CC2D2A: variants seen among roughly 807,000 people sequenced by gnomAD.
CC2D2A encodes coiled-coil and C2 domain containing 2A, also known as coiled-coil and C2 domain-containing protein 2A.
CC2D2A carries 155 observed loss-of-function variants against 212.9 expected under a neutral mutation model. That is an observed-to-expected ratio of 0.73 (90% CI 0.64 to 0.83). The LOEUF (loss-of-function observed/expected upper bound fraction) is 0.83, where lower values mean the gene tolerates loss of function less well. Ranked by LOEUF, CC2D2A falls within the 40% of genes least tolerant of loss-of-function variation. CC2D2A has a pLI of 0.00. For missense variants in CC2D2A, 1,856 were observed against 1,956.2 expected, an observed-to-expected ratio of 0.95 and a Z score of 0.97; for synonymous variants, 667 against 686.5, an observed-to-expected ratio of 0.97 and a Z score of 0.44.
chr4:15,481,812 C>G, intron 4 of CC2D2A: 6 of 985,304 alleles, frequency 6.1e-6, no homozygotes, highest in Non-Finnish European at 4.8e-6. Context: ...TATGCAGAAA[C>G]TCAAAGGAAG....
chr4:15,536,467 T>C (rs1286922329), intron 14 of CC2D2A, among the ~76,000 whole-genome samples: 1 of 152,110 alleles, frequency 6.6e-6, no homozygotes, highest in Non-Finnish European at 1.5e-5. Context: ...TTTTAAAAAA[T>C]TAAAATTAAA....
In CC2D2A at chr4:15,502,408, GT is replaced by G; in HGVS notation, c.248-16del. ...TTTTCTTTTTTTTTTATTTTGTTTT[GT>G]TTTTGTTTTTGTTTTTTAGGCTTAC... On this transcript the variant is annotated intron_variant, in intron 4 of 36. Transcript: ENST00000424120. 1.3e-6 allele frequency: 2 copies of G among 1,513,688 alleles called. No homozygotes were observed. Among genetic ancestry groups the G allele is most frequent in the Non-Finnish European group, 1.8e-6 (2 of 1,124,552 alleles). The allele number at this position is 1,513,688 out of a possible 1,614,324, so 93.8% of individuals were successfully genotyped here.
chr4:15,556,066 G>T (rs1719263486), intron 20 of CC2D2A, among the ~76,000 whole-genome samples: 1 of 152,170 alleles, frequency 6.6e-6, no homozygotes, highest in Non-Finnish European at 1.5e-5. Context: ...CAGATAAATT[G>T]CTCAGATCTA....
At chr4:15,532,360 A>G (rs2109028916) in intron 13 of CC2D2A, among the ~76,000 whole-genome samples, 1 of 152,292 alleles carries the variant, frequency 6.6e-6, no homozygotes, top group South Asian at 2.1e-4. Flanking sequence ...TACAACCTCC[A>G]GACTTAGGCC....
chr4:15,567,300 T>A (rs2109070020), intron 24 of CC2D2A, 77 bp from the exon 25 acceptor site: 1 of 1,130,292 alleles, frequency 8.8e-7, no homozygotes, highest in East Asian at 2.6e-5. Flanking sequence ...CCTATCTCAA[T>A]AAATAAATAA....
intron 1 of CC2D2A, among the ~76,000 whole-genome samples, chr4:15,472,112 G>A (rs114672164): frequency 1.2e-4 from 18 of 152,328 alleles, no homozygotes; most frequent in African/African-American, 3.8e-4. Context: ...AATAAATGGT[G>A]AGATGGAGGG....
At chr4:15,533,460 A>T in intron 14 of CC2D2A, 127 bp downstream of exon 14, 1 of 675,616 alleles carries the variant, frequency 1.5e-6, no homozygotes, top group Non-Finnish European at 2.4e-6. Context: ...AGGTTAAGAA[A>T]TAGAACATTG....
intron 28 of CC2D2A, among the ~76,000 whole-genome samples, chr4:15,571,695 G>A (rs531728029): frequency 1.3e-5 from 2 of 152,074 alleles, no homozygotes; most frequent in Non-Finnish European, 2.9e-5. Flanking sequence ...TCTTCCCTAG[G>A]CAAAAGGGAT....
chr4:15,536,570 T>G (rs1191417888), intron 14 of CC2D2A, among the ~76,000 whole-genome samples: 1 of 152,170 alleles, frequency 6.6e-6, no homozygotes, highest in Non-Finnish European at 1.5e-5. Flanking sequence ...TAATGAAATT[T>G]CCACCACTAT....
chr4:15,514,314 T>C (rs1334403077), intron 8 of CC2D2A, among the ~76,000 whole-genome samples: 1 of 152,218 alleles, frequency 6.6e-6, no homozygotes, highest in Non-Finnish European at 1.5e-5. Context: ...CCTATACACT[T>C]GGTGCCTTTT....
At chr4:15,560,908 T>C (rs1934980403) in intron 23 of CC2D2A, among the ~76,000 whole-genome samples, 2 of 152,192 alleles carry the variant, frequency 1.3e-5, no homozygotes, top group African/African-American at 4.8e-5. Context: ...TCATTCCCGT[T>C]GAACTAAACC....
chr4:15,562,034 T>C lies in CC2D2A; in HGVS notation c.3015-1321T>C, dbSNP rs1287953398. 2.6e-5 allele frequency among the ~76,000 whole-genome samples: 4 copies of C among 152,266 alleles called. No individual in the cohort carries two copies. The East Asian group carries it at 7.7e-4, about 29-fold the overall frequency. On this transcript the variant is annotated intron_variant, in intron 23 of 36. Coordinates refer to ENST00000424120, the MANE Select transcript of CC2D2A (RefSeq NM_001378615.1). ...TTATATGTAAGGCACCCAGCACTCTTCTCAATACATAGGAGGTGCTTATAA... is the reference window on the plus strand; with the variant it reads ...TTATATGTAAGGCACCCAGCACTCTCCTCAATACATAGGAGGTGCTTATAA...
chr4:15,480,562 G>A, intron 3 of CC2D2A, 142 bp from the exon 4 acceptor site: 1 of 881,248 alleles, frequency 1.1e-6, no homozygotes, highest in Non-Finnish European at 1.6e-6. Context: ...TACTCACAGT[G>A]AGTCAGGTGA....
At chr4:15,587,779 T>C (rs750347712) in intron 31 of CC2D2A, 37 bp from the exon 32 acceptor site, 2 of 1,094,978 alleles carry the variant, frequency 1.8e-6, no homozygotes, top group Non-Finnish European at 1.4e-6. Context: ...AATAAAGCAT[T>C]GAGTCATACA....
chr4:15,471,898 A>C (rs900053561), intron 1 of CC2D2A, among the ~76,000 whole-genome samples: 3 of 152,224 alleles, frequency 2.0e-5, no homozygotes, highest in Non-Finnish European at 4.4e-5. Context: ...GGAATAGTCC[A>C]TTTATTCAGA....
At position 15,516,776 on chromosome 4, in the gene CC2D2A, C is replaced by T. The variant is rs1409975341; in HGVS notation, c.1149+20C>T. The T allele has an allele frequency of 6.2e-7, 1 of 1,603,352 alleles. No individual in the cohort carries two copies. The highest frequency in any genetic ancestry group is 8.5e-7 in the Non-Finnish European group (1 of 1,174,560). ...AAAAAGGTAGACACTCCCCTCTCTC[C>T]ACTTTTATTAAATGAAATTGAAAGT... On this transcript the variant is annotated intron_variant, in intron 11 of 36. Coordinates refer to ENST00000424120, the MANE Select transcript of CC2D2A (RefSeq NM_001378615.1).
Position 15,599,721 on chromosome 4 carries a change from G to A in CC2D2A, c.4674+15G>A, listed in dbSNP as rs748011376. 1.3e-6 allele frequency: 2 copies of A among 1,562,130 alleles called. No individual in the cohort carries two copies. The highest frequency in any genetic ancestry group is 4.5e-5 in the East Asian group (2 of 43,970). The stretch of plus-strand genomic sequence containing the variant: ...GAGACTACAGGGTAAGTTACAAATG[G>A]ATCCTAAACTGACTGTGGATTTCCT... On this transcript the variant is annotated intron_variant, in intron 36 of 36. Coordinates refer to ENST00000424120, the MANE Select transcript of CC2D2A (RefSeq NM_001378615.1).
At chr4:15,508,482 GCA>G (rs1279470027) in intron 6 of CC2D2A, among the ~76,000 whole-genome samples, 2 of 152,174 alleles carry the variant, frequency 1.3e-5, no homozygotes, top group African/African-American at 4.8e-5. Context: ...TACCATTAAT[GCA>G]CCTGACTGGT....
intron 19 of CC2D2A, among the ~76,000 whole-genome samples, chr4:15,554,766 C>G (rs567356269): frequency 6.6e-6 from 1 of 152,346 alleles, no homozygotes. Context: ...TTGTGGGCTT[C>G]CAGCACCAGA....
Sources: gnomAD v4.1 joint callset for allele counts (sites outside exome capture counted in the v4.1 genomes callset) on GRCh38, gnomAD v4.1.1 for gene constraint, MANE v1.5 for transcripts, NCBI Gene and HGNC (gene_info 2026-07-23, HGNC 2026-07-21) for gene names.